CAPN13: variants seen among roughly 807,000 people sequenced by gnomAD.
CAPN13 encodes the protein calpain-13.
CAPN13 carries 90 observed loss-of-function variants against 98.4 expected under a neutral mutation model. The ratio of observed to expected loss-of-function variants is 0.92; its 90% CI spans 0.77 to 1.09. The LOEUF (loss-of-function observed/expected upper bound fraction) is 1.09. CAPN13 is among the 50% of genes least tolerant of loss of function. The pLI is 0.00. For synonymous variants in CAPN13, 330 were observed against 305.5 expected (o/e 1.08, Z -0.84); for missense variants, 887 against 841.3 (o/e 1.05, Z -0.67).
Position 30,731,340 on chromosome 2 carries a change from T to C in CAPN13, c.1983+4A>G. The C allele has an allele frequency of 6.2e-7, 1 of 1,608,892 alleles. No individual in the cohort carries two copies. Among genetic ancestry groups the C allele is most frequent in the South Asian group, 1.1e-5 (1 of 90,196 alleles). ...CCTGCCCCGGGGAGGGGAAGGTACC[T>C]CACCTCCATTTCTGTCAGGTAGAGT... On this transcript the variant is annotated splice_donor_region_variant and intron_variant, in intron 21 of 22. Coordinates refer to ENST00000295055, the MANE Select transcript of CAPN13 (RefSeq NM_144575.3).
At chr2:30,793,187 A>T (rs190392665) in intron 1 of CAPN13, among the ~76,000 whole-genome samples, 3 of 152,002 alleles carry the variant, frequency 2.0e-5, no homozygotes, top group Admixed American at 6.5e-5. Flanking sequence ...TAAAGATCAG[A>T]AACAAGAAGG....
At chr2:30,781,288 C>T (rs1278283223) in intron 2 of CAPN13, among the ~76,000 whole-genome samples, 2 of 152,218 alleles carry the variant, frequency 1.3e-5, no homozygotes, top group African/African-American at 4.8e-5. Flanking sequence ...AGCATCTTCT[C>T]AACTTTATGT....
rs1436517197 is a variant in CAPN13, at chr2:30,800,144, G to GAA, written c.-33+7156_-33+7157dup. On this transcript the variant is annotated intron_variant, in intron 1 of 22. Transcript: ENST00000295055. ...AGAAAGAAAGAAAGAAAGAAAGAAA[G>GAA]AAAGAAAGAAAGAAAGAAAGAAAGA... 3.6e-4 allele frequency among the ~76,000 whole-genome samples: 53 copies of GAA among 147,228 alleles called. 1 individual carries two copies. Among genetic ancestry groups the GAA allele is most frequent in the African/African-American group, 1.1e-3 (42 of 38,798 alleles).
chr2:30,802,791 G>C (rs1053867820), intron 1 of CAPN13, among the ~76,000 whole-genome samples: 1 of 152,182 alleles, frequency 6.6e-6, no homozygotes, highest in Non-Finnish European at 1.5e-5. Context: ...GCCTCTGCCT[G>C]AAAAGAGAGG....
At chr2:30,784,610 A>G (rs570493820) in intron 2 of CAPN13, among the ~76,000 whole-genome samples, 5 of 152,342 alleles carry the variant, frequency 3.3e-5, no homozygotes, top group Admixed American at 6.5e-5. Context: ...AAAAAACATT[A>G]CTAGTGACAG....
chr2:30,804,769 C>T (rs892531776), intron 1 of CAPN13, among the ~76,000 whole-genome samples: 3 of 152,122 alleles, frequency 2.0e-5, no homozygotes, highest in Non-Finnish European at 2.9e-5. Flanking sequence ...CCACCATGGA[C>T]GTTCTGAGAG....
At chr2:30,745,826 C>T (rs1671880230) in intron 11 of CAPN13, 92 bp from the exon 12 acceptor site, 2 of 1,002,728 alleles carry the variant, frequency 2.0e-6, no homozygotes, top group South Asian at 1.5e-5. Context: ...TGGTTTCATC[C>T]CTGCATTCCT....
At chr2:30,737,141 A>C in intron 17 of CAPN13, 1 of 152,384 alleles carries the variant, frequency 6.6e-6, no homozygotes, top group Non-Finnish European at 1.5e-5. Context: ...AGCAAATGTG[A>C]CCTCCCCTCG....
At chr2:30,727,653 G>A (rs570274912) in intron 22 of CAPN13, among the ~76,000 whole-genome samples, 2 of 152,286 alleles carry the variant, frequency 1.3e-5, no homozygotes, top group South Asian at 4.1e-4. Context: ...GACAGACAAT[G>A]ACAAGGGTTG....
At chr2:30,745,849 C>T (rs968901787) in intron 11 of CAPN13, 115 bp from the exon 12 acceptor site, 2 of 774,064 alleles carry the variant, frequency 2.6e-6, no homozygotes, top group Admixed American at 5.7e-5. Context: ...TCCTTTTCTT[C>T]CTCTCTTTTA....
chr2:30,762,588 G>T (rs1169309714), intron 7 of CAPN13, among the ~76,000 whole-genome samples: 1 of 152,218 alleles, frequency 6.6e-6, no homozygotes, highest in African/African-American at 2.4e-5. Flanking sequence ...TGGGCACATG[G>T]ATGGAAGCTC....
intron 2 of CAPN13, among the ~76,000 whole-genome samples, chr2:30,782,473 T>C (rs532484748): frequency 6.6e-6 from 1 of 152,330 alleles, no homozygotes; most frequent in Non-Finnish European, 1.5e-5. Flanking sequence ...CCTATTGCCT[T>C]ATGGAACATT....
intron 1 of CAPN13, among the ~76,000 whole-genome samples, chr2:30,793,554 T>C (rs1674708195): frequency 6.6e-6 from 1 of 151,754 alleles, no homozygotes; most frequent in Non-Finnish European, 1.5e-5. Context: ...CTAACCAAAA[T>C]TCTAGCATGC....
At chr2:30,732,395 G>A (rs375344436) in intron 20 of CAPN13, 43 bp downstream of exon 20, 21 of 1,609,586 alleles carry the variant, frequency 1.3e-5, no homozygotes, top group Admixed American at 1.7e-5. Context: ...TGTGTTCTTC[G>A]GTCACTGCCA....
At position 30,770,438 on chromosome 2, in the gene CAPN13, A is replaced by T. The variant is rs1292243076; in HGVS notation, c.399T>A (p.Cys133Ter). Residue 133 changes from cysteine to a stop codon, truncating the protein, a stop_gained, in exon 5 of 23, where the codon TGT (cysteine) becomes TGA (stop). Transcript: ENST00000295055. LOFTEE classifies it high-confidence loss of function. ...AGIFRFRFWQ[C>*]GQWVEVVIDD... ...CAATCACCACTTCCACCCACTGGCC[A>T]CATTGCCAGAACTGGAAGAGAGCCA... is the stretch of plus-strand genomic sequence containing the variant. 6.2e-7 allele frequency: 1 copy of T among 1,613,906 alleles called. No individual in the cohort carries two copies. Among genetic ancestry groups the T allele is most frequent in the East Asian group, 2.2e-5 (1 of 44,876 alleles).
chr2:30,789,165 A>G (rs1674478827), intron 1 of CAPN13, among the ~76,000 whole-genome samples: 1 of 152,242 alleles, frequency 6.6e-6, no homozygotes, highest in Admixed American at 6.5e-5. Flanking sequence ...CTGAAATGTC[A>G]AGATATCATT....
At chr2:30,769,179 A>G (rs1034372368) in intron 5 of CAPN13, among the ~76,000 whole-genome samples, 4 of 152,098 alleles carry the variant, frequency 2.6e-5, no homozygotes, top group Admixed American at 1.3e-4. Context: ...TGGACACTCC[A>G]TACCACCCTT....
At chr2:30,738,867 T>C (rs1558613888) in intron 15 of CAPN13, among the ~76,000 whole-genome samples, 1 of 134,318 alleles carries the variant, frequency 7.4e-6, no homozygotes, top group Non-Finnish European at 1.7e-5. Flanking sequence ...ACTGTGTGCA[T>C]GTGTGTGTGT....
intron 22 of CAPN13, among the ~76,000 whole-genome samples, chr2:30,723,582 C>A (rs927629429): frequency 1.3e-5 from 2 of 152,124 alleles, no homozygotes; most frequent in Admixed American, 6.5e-5. Context: ...CATCTCCAGG[C>A]AGGTTAGAAG....
Sources: gnomAD v4.1 joint callset for allele counts (sites outside exome capture counted in the v4.1 genomes callset) on GRCh38, gnomAD v4.1.1 for gene constraint, MANE v1.5 for transcripts, NCBI Gene and HGNC (gene_info 2026-07-23, HGNC 2026-07-21) for gene names.